RPS3A: variants seen among roughly 807,000 people sequenced by gnomAD.
The protein encoded by RPS3A is ribosomal protein S3A, also known as small ribosomal subunit protein eS1.
RPS3A carries 1 observed loss-of-function variant against 26.4 expected under a neutral mutation model. That is an observed-to-expected ratio of 0.04 (90% confidence interval 0.01 to 0.18). The LOEUF (loss-of-function observed/expected upper bound fraction) is 0.18. RPS3A is among the 10% of genes least tolerant of loss of function. RPS3A has a pLI of 1.00. For missense variants in RPS3A, 139 were observed against 326.8 expected (o/e 0.43, Z 4.43); for synonymous variants, 97 against 106.1 (o/e 0.91, Z 0.53).
chr4:151,102,711 C>A, intron 3 of RPS3A, 160 bp from the exon 4 acceptor site: 1 of 898,902 alleles, frequency 1.1e-6, no homozygotes, highest in Non-Finnish European at 1.6e-6. Context: ...TTGGTAAGTT[C>A]AAGGAAGTTA....
In RPS3A at chr4:151,100,536, G is replaced by A. The variant is rs1747074761; in HGVS notation, c.114G>A (p.Met38Ile). 2 of 1,609,296 alleles carry A rather than the reference G, an allele frequency of 1.2e-6. No individual in the cohort carries two copies. Among genetic ancestry groups the A allele is most frequent in the Admixed American group, 1.7e-5 (1 of 59,984 alleles). The change falls in exon 2 of 6, where the codon ATG becomes ATA. Residue 38 changes from methionine (M) to isoleucine (I), a missense_variant. By Grantham distance (10) the Met-to-Ile change is conservative. Around this residue, in one of 3 missense-constraint regions of RPS3A, gnomAD observed 35 missense variants for 60.1 expected, o/e 0.58. Transcript: ENST00000274065. ...GGTATGATGTGAAAGCACCTGCTAT[G>A]TTCAATATAAGAAATATTGGAAAGA... ...KDWYDVKAPA[M>I]FNIRNIGKTL...
At chr4:151,102,132 C>CT in intron 3 of RPS3A, 1 of 512,004 alleles carries the variant, frequency 2.0e-6, no homozygotes, top group South Asian at 1.4e-5. Context: ...TGACATTCCT[C>CT]TAAGGCTTTA....
chr4:151,104,336 G>T, intron 5 of RPS3A, 50 bp downstream of exon 5: 1 of 1,589,730 alleles, frequency 6.3e-7, no homozygotes, highest in South Asian at 1.1e-5. Context: ...ATTGTTTTTG[G>T]GTGGAGGAGG....
Position 151,104,522 on chromosome 4 carries a change from A to T in RPS3A, c.724A>T (p.Thr242Ser). ...TGAAGGCAGTAGTTCTGGAAAAGCC[A>T]CTGGGGACGAGACAGGTGCTAAAGT... Reference protein sequence around the residue: ...HGEGSSSGKATGDETGAKVER... With the variant: ...HGEGSSSGKASGDETGAKVER... The change falls in exon 6 of 6, where the codon ACT becomes TCT. Residue 242 changes from threonine (T) to serine (S), a missense_variant. Physicochemically the swap from Thr to Ser is moderately conservative, Grantham distance 58. Around this residue, in one of 3 missense-constraint regions of RPS3A, gnomAD observed 96 missense variants for 209.8 expected, o/e 0.46. Transcript: ENST00000274065. The T allele has an allele frequency of 1.3e-6, 2 of 1,557,926 alleles. No homozygotes were observed. The highest frequency in any genetic ancestry group is 1.8e-4 in the Middle Eastern group (1 of 5,444).
rs192434572 is a variant in RPS3A at position 151,103,665 on chromosome 4, G to C, written c.564-512G>C. 9 of 1,081,502 alleles carry C rather than the reference G, an allele frequency of 8.3e-6. No individual in the cohort carries two copies. In the East Asian group the frequency reaches 6.3e-4, roughly 75 times the overall value. The allele number at this position is 1,081,502 out of a possible 1,614,324, so 67.0% of individuals were successfully genotyped here. ...GCCTGGAGTCCCAGCTACTCAGGAG[G>C]CTGAGGTGGTAGGATTGTTTGAGCC... On this transcript the variant is annotated intron_variant, in intron 4 of 5. Coordinates refer to ENST00000274065, the MANE Select transcript of RPS3A (RefSeq NM_001006.5).
intron 3 of RPS3A, 61 bp from the exon 4 acceptor site, chr4:151,102,810 A>T (rs1401047874): frequency 3.4e-5 from 52 of 1,523,252 alleles, no homozygotes; most frequent in Non-Finnish European, 2.8e-5. Flanking sequence ...TAAAATTAGA[A>T]CTTGAGGGAT....
intron 4 of RPS3A, chr4:151,103,772 AC>A (rs1747233892): frequency 7.6e-7 from 1 of 1,324,342 alleles, no homozygotes; most frequent in South Asian, 1.2e-5. Context: ...ATATACACAC[AC>A]AAAGAAAAAA....
chr4:151,103,905 C>A, intron 4 of RPS3A: 1 of 1,475,428 alleles, frequency 6.8e-7, no homozygotes, highest in Non-Finnish European at 9.1e-7. Flanking sequence ...ATGCAATATA[C>A]AGTTAGCTAA....
chr4:151,101,179 C>T lies in RPS3A; in HGVS notation c.354+17C>T, dbSNP rs1300217991. On this transcript the variant is annotated intron_variant, in intron 3 of 5. Transcript: ENST00000274065. ...AAATGGCAGGTGAGACCCAAAGTTC[C>T]TTAGAGTGGTTGTGCTATGGGTGTT... The T allele has an allele frequency of 3.2e-6, 5 of 1,573,316 alleles. No individual in the cohort carries two copies. In the African/African-American group the frequency reaches 4.0e-5, roughly 13 times the overall value.
At chr4:151,100,308 A>G in intron 1 of RPS3A, 177 bp from the exon 2 acceptor site, 1 of 577,578 alleles carries the variant, frequency 1.7e-6, no homozygotes, top group Non-Finnish European at 3.1e-6. Flanking sequence ...GCATGCAGTG[A>G]AACGTACAGT....
At position 151,104,049 on chromosome 4, in the gene RPS3A, T is replaced by C; in HGVS notation, c.564-128T>C. The C allele has an allele frequency of 2.0e-6, 3 of 1,488,198 alleles. No individual in the cohort carries two copies. In the South Asian group the frequency reaches 4.2e-5, roughly 21 times the overall value. 92.2% of individuals were successfully genotyped at this position (1,488,198 alleles called of 1,614,324 possible). On this transcript the variant is annotated intron_variant, in intron 4 of 5. Transcript: ENST00000274065. ...ATAATGGCTTATCTTAACAGGAGGA[T>C]TTATGCAGGTTAAATGAGGTAGGTG...
rs1048003271 is a variant in RPS3A at position 151,103,742 on chromosome 4, TAAA to T, written c.564-431_564-429del. On this transcript the variant is annotated intron_variant, in intron 4 of 5. Transcript: ENST00000274065. The stretch of plus-strand genomic sequence containing the variant: ...TATAGGGAGACCCTGTCCCAAAAAA[TAAA>T]AAATATACGTATATATATATACACA... 6 of 1,159,172 alleles carry T rather than the reference TAAA, an allele frequency of 5.2e-6. No individual in the cohort carries two copies. The Middle Eastern group carries it at 1.3e-3, about 258-fold the overall frequency. 71.8% of individuals were successfully genotyped at this position (1,159,172 alleles called of 1,614,324 possible).
At chr4:151,104,343 G>T in intron 5 of RPS3A, 57 bp downstream of exon 5, 2 of 1,580,878 alleles carry the variant, frequency 1.3e-6, no homozygotes, top group Non-Finnish European at 1.7e-6. Flanking sequence ...TTGGGTGGAG[G>T]AGGAGTGTGG....
chr4:151,102,570 T>C (rs1239631491), intron 3 of RPS3A, among the ~76,000 whole-genome samples: 1 of 152,088 alleles, frequency 6.6e-6, no homozygotes, highest in African/African-American at 2.4e-5. Flanking sequence ...TTTAAAGGGG[T>C]ATATGTATAT....
chr4:151,103,852 C>G (rs1431148122), intron 4 of RPS3A: 1 of 1,396,736 alleles, frequency 7.2e-7, no homozygotes, highest in Non-Finnish European at 9.5e-7. Context: ...AAGTTTCGGT[C>G]CCAGATGATG....
At position 151,104,274 on chromosome 4, in the gene RPS3A, C is replaced by G. The variant is rs1285690309; in HGVS notation, c.661C>G (p.Pro221Ala). ...TAGAAAAGTAAAAATGCTGAAGAAGCCCAAGTTTGAATGTAAGTGAGAAAT... is the reference window on the plus strand; with the variant it reads ...TAGAAAAGTAAAAATGCTGAAGAAGGCCAAGTTTGAATGTAAGTGAGAAAT... ...FVRKVKMLKKPKFELGKLMEL... is the reference protein window; with the variant it reads ...FVRKVKMLKKAKFELGKLMEL... The change falls in exon 5 of 6, where the codon CCC becomes GCC. Residue 221 changes from proline to alanine, a missense_variant. Around this residue, in one of 3 missense-constraint regions of RPS3A, gnomAD observed 96 missense variants for 209.8 expected, o/e 0.46. Coordinates refer to ENST00000274065, the MANE Select transcript of RPS3A (RefSeq NM_001006.5). 1 of 1,612,666 alleles carries G rather than the reference C, an allele frequency of 6.2e-7. No homozygotes were observed. Among genetic ancestry groups the G allele is most frequent in the South Asian group, 1.1e-5 (1 of 90,556 alleles).
At chr4:151,103,828 A>G (rs763668404) in intron 4 of RPS3A, 93 of 1,370,904 alleles carry the variant, frequency 6.8e-5, no homozygotes, top group Non-Finnish European at 8.4e-5. Flanking sequence ...ATGCACGGGA[A>G]TAAGTGATGA....
chr4:151,103,696 G>GT lies in RPS3A; in HGVS notation c.564-478dup, dbSNP rs1283064613. ...GTGGTAGGATTGTTTGAGCCCAGGA[G>GT]TTTGAGGCCAGCCTGGGCAATATAG... On this transcript the variant is annotated intron_variant, in intron 4 of 5. Coordinates refer to ENST00000274065, the MANE Select transcript of RPS3A (RefSeq NM_001006.5). 1.1e-5 allele frequency: 12 copies of GT among 1,091,356 alleles called. No individual in the cohort carries two copies. In the East Asian group the frequency reaches 3.3e-4, roughly 30 times the overall value. 67.6% of individuals were successfully genotyped at this position (1,091,356 alleles called of 1,614,324 possible).
chr4:151,099,685 A>G lies in RPS3A; in HGVS notation c.33A>G (p.Lys11=), dbSNP rs202033490. Residue 11 remains lysine (K), a synonymous_variant, in exon 1 of 6, where the codon AAA becomes AAG. Coordinates refer to ENST00000274065, the MANE Select transcript of RPS3A (RefSeq NM_001006.5). ...TTGGCAAGAACAAGCGCCTTACGAA[A>G]GGCGGCAAAAAGGGAGCCAAGAAGA... MAVGKNKRLT[K]GGKKGAKKKV... 2.5e-6 allele frequency: 4 copies of G among 1,613,992 alleles called. No individual in the cohort carries two copies. The highest frequency in any genetic ancestry group is 4.5e-5 in the East Asian group (2 of 44,872).
Sources: allele counts gnomAD v4.1 joint callset (sites outside exome capture counted in the v4.1 genomes callset), GRCh38; gene constraint gnomAD v4.1.1; regional missense constraint gnomAD v4.1.1; transcripts MANE v1.5; gene names NCBI Gene and HGNC (gene_info 2026-07-23, HGNC 2026-07-21).